SCFD2: variants seen among roughly 807,000 people sequenced by gnomAD.
The protein encoded by SCFD2 is sec1 family domain-containing protein 2.
In SCFD2, 54 loss-of-function variants were observed where a neutral mutation model predicts 58.9. That is an observed-to-expected ratio of 0.92 (90% confidence interval 0.74 to 1.15). The LOEUF is 1.15. SCFD2 is among the 50% of genes most tolerant of loss of function. The pLI is 0.00. For synonymous variants in SCFD2, 321 were observed against 335.9 expected, an observed-to-expected ratio of 0.96 and a Z score of 0.49; for missense variants, 805 against 836.6, an observed-to-expected ratio of 0.96 and a Z score of 0.47.
At chr4:53,031,765 C>A (rs1372973520) in intron 5 of SCFD2, among the ~76,000 whole-genome samples, 1 of 152,094 alleles carries the variant, frequency 6.6e-6, no homozygotes, top group Non-Finnish European at 1.5e-5. Context: ...TGAACAAAGC[C>A]TCTAAGAACT....
intron 5 of SCFD2, among the ~76,000 whole-genome samples, chr4:52,982,029 A>G (rs1490262371): frequency 6.6e-6 from 1 of 152,186 alleles, no homozygotes; most frequent in Non-Finnish European, 1.5e-5. Flanking sequence ...GACAGTAAGG[A>G]AGAGGAATGG....
chr4:52,960,743 A>C (rs1157501222), intron 5 of SCFD2, among the ~76,000 whole-genome samples: 28 of 151,728 alleles, frequency 1.8e-4, no homozygotes, highest in African/African-American at 6.8e-4. Flanking sequence ...ACACACACAC[A>C]CCACACATGT....
chr4:53,046,860 C>G (rs774077874), intron 5 of SCFD2, among the ~76,000 whole-genome samples: 1 of 152,000 alleles, frequency 6.6e-6, no homozygotes, highest in East Asian at 1.9e-4. Context: ...TTAGTAGAGA[C>G]GGGGTTTTGC....
At chr4:53,189,943 A>C (rs1173238043) in intron 4 of SCFD2, among the ~76,000 whole-genome samples, 1 of 152,242 alleles carries the variant, frequency 6.6e-6, no homozygotes, top group Non-Finnish European at 1.5e-5. Flanking sequence ...AAAAATGAAT[A>C]CGTGAATTAA....
intron 5 of SCFD2, among the ~76,000 whole-genome samples, chr4:53,008,068 G>C (rs770347942): frequency 1.3e-5 from 2 of 152,192 alleles, no homozygotes; most frequent in Non-Finnish European, 2.9e-5. Flanking sequence ...TAGGTAATTT[G>C]AGGAGAGTTG....
At chr4:53,203,462 C>A (rs1728314997) in intron 4 of SCFD2, among the ~76,000 whole-genome samples, 2 of 151,260 alleles carry the variant, frequency 1.3e-5, no homozygotes, top group African/African-American at 2.4e-5. Flanking sequence ...TCAAATGAAA[C>A]ATAGAAAAAT....
chr4:53,148,275 T>C (rs1485246319), intron 4 of SCFD2, among the ~76,000 whole-genome samples: 1 of 152,232 alleles, frequency 6.6e-6, no homozygotes, highest in Non-Finnish European at 1.5e-5. Flanking sequence ...CAGAGCTTCA[T>C]TTTCAAGTCA....
chr4:52,922,199 T>C (rs189407555), intron 5 of SCFD2, among the ~76,000 whole-genome samples: 6 of 152,232 alleles, frequency 3.9e-5, no homozygotes, highest in Admixed American at 2.0e-4. Context: ...TGTTGAGATA[T>C]AATTCATATA....
chr4:53,289,506 G>C (rs536390482), intron 3 of SCFD2, among the ~76,000 whole-genome samples: 1 of 151,970 alleles, frequency 6.6e-6, no homozygotes, highest in Admixed American at 6.6e-5. Flanking sequence ...AAGGAATCAA[G>C]GCTTAGTACT....
intron 4 of SCFD2, among the ~76,000 whole-genome samples, chr4:53,182,880 C>T (rs183971280): frequency 0.11 from 17,282 of 151,990 alleles, 1,079 homozygotes; most frequent in East Asian, 0.24. Flanking sequence ...GACATTAATG[C>T]AGCCAAAAAA....
intron 5 of SCFD2, among the ~76,000 whole-genome samples, chr4:53,126,374 G>A (rs1260180624): frequency 6.6e-6 from 1 of 152,174 alleles, no homozygotes; most frequent in Non-Finnish European, 1.5e-5. Flanking sequence ...GAAGTGCAGT[G>A]GCGTGATCTC....
At chr4:52,878,128 C>A (rs1054423566) in intron 8 of SCFD2, among the ~76,000 whole-genome samples, 10 of 152,234 alleles carry the variant, frequency 6.6e-5, no homozygotes, top group African/African-American at 2.2e-4. Flanking sequence ...GTGTGTCCCC[C>A]TGGCTGTTGG....
Position 53,303,938 on chromosome 4 carries a change from A to G in SCFD2, c.1135+9698T>C, listed in dbSNP as rs575150585. ...GGACACAGGAAGGGGAACATCACACACTGGGGACTGTTGTCGGGTGGGGGG... is the reference window on the plus strand; with the variant it reads ...GGACACAGGAAGGGGAACATCACACGCTGGGGACTGTTGTCGGGTGGGGGG... On this transcript the variant is annotated intron_variant, in intron 3 of 8. Transcript: ENST00000401642. 4.3e-3 allele frequency among the ~76,000 whole-genome samples: 543 copies of G among 125,714 alleles called. 2 individuals are homozygous for G. Among genetic ancestry groups the G allele is most frequent in the Middle Eastern group, 9.5e-3 (2 of 210 alleles). The allele number at this position is 125,714 out of a possible 152,430, so 82.5% of individuals were successfully genotyped here.
At chr4:53,299,298 G>C (rs62324292) in intron 3 of SCFD2, among the ~76,000 whole-genome samples, 1,908 of 152,336 alleles carry the variant, frequency 0.013, 32 homozygotes, top group South Asian at 0.073. Flanking sequence ...CGTGATGAAT[G>C]CAAAAGCCTC....
intron 6 of SCFD2, among the ~76,000 whole-genome samples, chr4:52,918,992 T>G (rs1165382445): frequency 6.6e-6 from 1 of 152,114 alleles, no homozygotes; most frequent in Non-Finnish European, 1.5e-5. Context: ...GTTGGGAGTG[T>G]GCTGATGTTA....
intron 5 of SCFD2, among the ~76,000 whole-genome samples, chr4:53,111,921 A>C (rs1176588569): frequency 3.3e-5 from 5 of 152,162 alleles, no homozygotes; most frequent in African/African-American, 1.2e-4. Flanking sequence ...TGAAAGAAGT[A>C]TGAAGAATGA....
chr4:53,082,381 T>G (rs1179883460), intron 5 of SCFD2, among the ~76,000 whole-genome samples: 4 of 152,146 alleles, frequency 2.6e-5, no homozygotes, highest in East Asian at 1.9e-4. Context: ...TGATGATGAT[T>G]ATTATAGCCA....
At chr4:53,084,067 G>A (rs1724230285) in intron 5 of SCFD2, among the ~76,000 whole-genome samples, 1 of 152,090 alleles carries the variant, frequency 6.6e-6, no homozygotes, top group African/African-American at 2.4e-5. Flanking sequence ...TTCAACAGCA[G>A]AGAACAGGTC....
chr4:53,007,305 G>GGGGA lies in SCFD2; in HGVS notation c.1562-86436_1562-86435insTCCC, dbSNP rs1553913998. ...AGGAGAGAGAGGGAGAGAGGGAGAG[G>GGGGA]GAGAGAGAGAGAGAGAGAGAGAGAG... On this transcript the variant is annotated intron_variant, in intron 5 of 8. Coordinates refer to ENST00000401642, the MANE Select transcript of SCFD2 (RefSeq NM_152540.4). Among the ~76,000 whole-genome samples, 5 of 66,082 alleles carry GGGGA rather than the reference G, an allele frequency of 7.6e-5. No individual in the cohort carries two copies. The East Asian group carries it at 1.6e-3, about 21-fold the overall frequency. The allele number at this position is 66,082 out of a possible 152,430, so 43.4% of individuals were successfully genotyped here.
Sources: gnomAD v4.1 joint callset for allele counts (sites outside exome capture counted in the v4.1 genomes callset) on GRCh38, gnomAD v4.1.1 for gene constraint, MANE v1.5 for transcripts, NCBI Gene and HGNC (gene_info 2026-07-23, HGNC 2026-07-21) for gene names.